The following KCNN2 variants were observed in gnomAD, a reference collection of about 807,000 sequenced individuals.
The protein encoded by KCNN2 is potassium calcium-activated channel subfamily N member 2.
A neutral mutation model predicts 55.5 loss-of-function variants in KCNN2; 24 were observed. That is an observed-to-expected ratio of 0.43 (90% CI 0.31 to 0.61). The LOEUF is 0.61. Ranked by LOEUF, KCNN2 falls within the 20% of genes least tolerant of loss-of-function variation. The pLI, the probability that KCNN2 is intolerant of heterozygous loss-of-function variation, is 0.08. For missense variants in KCNN2, 754 were observed against 853.6 expected, an observed-to-expected ratio of 0.88 and a Z score of 1.45; for synonymous variants, 431 against 336.1, an observed-to-expected ratio of 1.28 and a Z score of -3.09.
At chr5:114,337,397 A>G (rs149360014) in intron 2 of KCNN2, among the ~76,000 whole-genome samples, 1 of 152,344 alleles carries the variant, frequency 6.6e-6, no homozygotes, top group Non-Finnish European at 1.5e-5. Context: ...AAGATGTCCC[A>G]TGTAGCTAGT....
intron 2 of KCNN2, among the ~76,000 whole-genome samples, chr5:114,383,765 G>A (rs1325523028): frequency 6.6e-6 from 1 of 152,124 alleles, no homozygotes; most frequent in East Asian, 1.9e-4. Context: ...ACCATGCCTG[G>A]CCCACTTAAT....
At chr5:114,226,347 A>G (rs1278664354) in intron 2 of KCNN2, among the ~76,000 whole-genome samples, 1 of 152,184 alleles carries the variant, frequency 6.6e-6, no homozygotes, top group Non-Finnish European at 1.5e-5. Context: ...CAGTTCTTTA[A>G]AAGTGATTAT....
intron 1 of KCNN2, among the ~76,000 whole-genome samples, chr5:114,090,362 A>G (rs1386461): frequency 4.0e-5 from 6 of 151,814 alleles, no homozygotes; most frequent in South Asian, 2.1e-4. Flanking sequence ...AAAGAATTAT[A>G]AGTACATTTA....
intron 2 of KCNN2, among the ~76,000 whole-genome samples, chr5:114,400,944 G>A (rs1439187204): frequency 2.0e-5 from 3 of 148,398 alleles, no homozygotes; most frequent in Admixed American, 6.7e-5. Flanking sequence ...TACTTTATTC[G>A]ATTTCTTTAC....
intron 2 of KCNN2, among the ~76,000 whole-genome samples, chr5:114,384,092 T>C (rs949384089): frequency 3.9e-5 from 6 of 152,198 alleles, no homozygotes; most frequent in Non-Finnish European, 7.4e-5. Context: ...CTTTTTGCAG[T>C]AGGGCCTTTA....
In KCNN2 at chr5:114,252,726, A is replaced by T. The variant is rs555901070; in HGVS notation, c.-185+31161A>T. Among the ~76,000 whole-genome samples the T allele has an allele frequency of 5.9e-5, 9 of 151,778 alleles. No homozygotes were observed. In the East Asian group the frequency reaches 1.7e-3, roughly 29 times the overall value. On this transcript the variant is annotated intron_variant, in intron 2 of 10. Transcript: ENST00000512097. Reference sequence around the variant, plus strand: ...TCTATAATAACTTGATAGCCAGGACAAGCTCATTCTGAGAAAGTTTGGTGT... The same window carrying T: ...TCTATAATAACTTGATAGCCAGGACTAGCTCATTCTGAGAAAGTTTGGTGT...
rs563602038 is a variant in KCNN2, at chr5:114,263,651, AAATTTTT to A, written c.-185+42087_-185+42093del. Among the ~76,000 whole-genome samples the A allele has an allele frequency of 1.8e-3, 279 of 152,262 alleles. 2 individuals carry two copies. The highest frequency in any genetic ancestry group is 6.5e-3 in the African/African-American group (271 of 41,536). On this transcript the variant is annotated intron_variant, in intron 2 of 10. Transcript: ENST00000512097. ...GGTAACTCTATTTCTGTTTGTAAAA[AAATTTTT>A]TATAAAATATAGAAAATTTGGTCTT...
chr5:114,128,894 G>A (rs1466596299), intron 1 of KCNN2, among the ~76,000 whole-genome samples: 1 of 152,066 alleles, frequency 6.6e-6, no homozygotes, highest in Non-Finnish European at 1.5e-5. Flanking sequence ...TCTTATCTTG[G>A]AAAAGTAAAA....
At chr5:114,316,747 C>A (rs756622474) in intron 2 of KCNN2, among the ~76,000 whole-genome samples, 24 of 152,104 alleles carry the variant, frequency 1.6e-4, no homozygotes, top group Non-Finnish European at 2.8e-4. Flanking sequence ...CTATCTAGTC[C>A]AGCCATGATT....
intron 5 of KCNN2, among the ~76,000 whole-genome samples, chr5:114,474,406 C>T (rs1371075974): frequency 5.3e-5 from 8 of 152,158 alleles, no homozygotes; most frequent in Admixed American, 5.2e-4. Context: ...ACATTTTCAG[C>T]CTACATTTAC....
chr5:114,236,976 C>G (rs1754509931), intron 2 of KCNN2, among the ~76,000 whole-genome samples: 1 of 152,062 alleles, frequency 6.6e-6, no homozygotes, highest in Non-Finnish European at 1.5e-5. Flanking sequence ...TCATAGTCAT[C>G]AAGCCTCCCA....
chr5:114,345,961 T>A (rs750610733), intron 2 of KCNN2, among the ~76,000 whole-genome samples: 16 of 152,196 alleles, frequency 1.1e-4, no homozygotes, highest in Non-Finnish European at 1.9e-4. Flanking sequence ...TTGTATTTTT[T>A]TAGTAGAGAC....
At chr5:114,087,045 C>T (rs1412843947) in intron 1 of KCNN2, among the ~76,000 whole-genome samples, 1 of 151,900 alleles carries the variant, frequency 6.6e-6, no homozygotes. Flanking sequence ...GGATGAGGAG[C>T]GTTTTTTCAT....
intron 2 of KCNN2, among the ~76,000 whole-genome samples, chr5:114,254,823 C>G (rs1166579007): frequency 6.6e-6 from 1 of 152,066 alleles, no homozygotes; most frequent in Non-Finnish European, 1.5e-5. Context: ...TAAATGAAAT[C>G]TGTTCATTCA....
intron 1 of KCNN2, among the ~76,000 whole-genome samples, chr5:114,098,124 G>A (rs1751300308): frequency 6.6e-6 from 1 of 152,006 alleles, no homozygotes; most frequent in African/African-American, 2.4e-5. Context: ...TTCCGCTTCT[G>A]TCATCACATG....
chr5:114,346,376 C>G (rs531716187), intron 2 of KCNN2, among the ~76,000 whole-genome samples: 4 of 152,240 alleles, frequency 2.6e-5, no homozygotes, highest in African/African-American at 9.6e-5. Flanking sequence ...TAAGGACAAA[C>G]AGAACTGGAC....
intron 2 of KCNN2, among the ~76,000 whole-genome samples, chr5:114,346,574 G>A (rs1368568089): frequency 2.0e-5 from 3 of 152,094 alleles, no homozygotes; most frequent in Non-Finnish European, 2.9e-5. Context: ...TTAGAATTGG[G>A]TGTATGAATA....
chr5:114,429,690 T>G (rs1281607183), intron 3 of KCNN2, among the ~76,000 whole-genome samples: 2 of 152,072 alleles, frequency 1.3e-5, no homozygotes, highest in Non-Finnish European at 2.9e-5. Context: ...CAAGTTTACC[T>G]AGATTTTCTC....
chr5:114,483,273 CTTTTTTTTTTT>C (rs34472228), intron 5 of KCNN2, among the ~76,000 whole-genome samples: 28 of 108,036 alleles, frequency 2.6e-4, no homozygotes, highest in African/African-American at 8.8e-4. Context: ...TTCTTTCTTT[CTTTTTTTTTTT>C]TTTTTTTTGA....
Sources: allele counts gnomAD v4.1 joint callset (sites outside exome capture counted in the v4.1 genomes callset), GRCh38; gene constraint gnomAD v4.1.1; transcripts MANE v1.5; gene names NCBI Gene and HGNC (gene_info 2026-07-23, HGNC 2026-07-21).